The following DGCR8 variants were observed in gnomAD, a reference collection of about 807,000 sequenced individuals.
DGCR8 encodes DGCR8 microprocessor complex subunit, also known as microprocessor complex subunit DGCR8.
Under a neutral mutation model 78.5 loss-of-function variants are expected in DGCR8, and 14 were observed. That is an observed-to-expected ratio of 0.18 (90% CI 0.12 to 0.28). The LOEUF (loss-of-function observed/expected upper bound fraction) is 0.28. Among genes scored for constraint, DGCR8 ranks in the 10% least tolerant of loss-of-function variants. The pLI is 1.00. For synonymous variants in DGCR8, 399 were observed against 402.4 expected, an observed-to-expected ratio of 0.99 and a Z score of 0.10; for missense variants, 702 against 1,022.5, an observed-to-expected ratio of 0.69 and a Z score of 4.28.
Position 20,110,389 on chromosome 22 carries a change from C to CTGT in DGCR8, c.*281_*282insTGT. 2.4e-6 allele frequency: 1 copy of CTGT among 421,810 alleles called. No individual in the cohort carries two copies. The highest frequency in any genetic ancestry group is 4.2e-6 in the Non-Finnish European group (1 of 236,026). 26.1% of individuals were successfully genotyped at this position (421,810 alleles called of 1,614,324 possible). ...CTGGTGACTGTGGACAGTGGTGGAC[C>CTGT]CTGCTTCTGTGCACCTGCTGCAGGC... On this transcript the variant is annotated 3_prime_UTR_variant, in exon 14 of 14. Coordinates refer to ENST00000351989, the MANE Select transcript of DGCR8 (RefSeq NM_022720.7).
chr22:20,082,924 C>CGGTGG (rs2049434535), intron 1 of DGCR8, among the ~76,000 whole-genome samples: 1 of 152,204 alleles, frequency 6.6e-6, no homozygotes, highest in African/African-American at 2.4e-5. Context: ...CCTTCCTATC[C>CGGTGG]GGTGGCCCAT....
chr22:20,094,442 G>T (rs1368125950), intron 8 of DGCR8, among the ~76,000 whole-genome samples: 2 of 152,208 alleles, frequency 1.3e-5, no homozygotes, highest in African/African-American at 2.4e-5. Flanking sequence ...CTAACATACA[G>T]CTCCGAGCTC....
chr22:20,105,936 A>G (rs988205950), intron 9 of DGCR8, among the ~76,000 whole-genome samples: 7 of 151,992 alleles, frequency 4.6e-5, no homozygotes, highest in African/African-American at 7.3e-5. Flanking sequence ...TTAGGATACC[A>G]GACTCCATCC....
chr22:20,106,766 T>A, intron 11 of DGCR8, 68 bp downstream of exon 11: 1 of 1,116,904 alleles, frequency 9.0e-7, no homozygotes, highest in Non-Finnish European at 1.4e-6. Flanking sequence ...CCTGCGCCTC[T>A]GTGGCTTGGT....
intron 9 of DGCR8, among the ~76,000 whole-genome samples, chr22:20,095,703 A>G (rs1470382958): frequency 6.6e-6 from 1 of 152,158 alleles, no homozygotes; most frequent in African/African-American, 2.4e-5. Flanking sequence ...GGATGACTCA[A>G]GCACATCACA....
intron 9 of DGCR8, among the ~76,000 whole-genome samples, chr22:20,099,541 T>G (rs1568958788): frequency 6.6e-6 from 1 of 152,204 alleles, no homozygotes; most frequent in Non-Finnish European, 1.5e-5. Context: ...GGAGAAGGGC[T>G]GGGAATGGGG....
intron 6 of DGCR8, 70 bp downstream of exon 6, chr22:20,091,702 C>T: frequency 6.4e-7 from 1 of 1,572,634 alleles, no homozygotes; most frequent in Non-Finnish European, 8.7e-7. Context: ...GTGTTGAGGG[C>T]ATGTTTTATG....
At chr22:20,101,067 G>C (rs992234150) in intron 9 of DGCR8, 7 of 436,680 alleles carry the variant, frequency 1.6e-5, no homozygotes, top group Non-Finnish European at 1.8e-5. Context: ...TCTCCGGGGA[G>C]CCCACCCTGG....
rs1001770451 is a variant in DGCR8, at chr22:20,089,184, C to T, written c.881-485C>T. On this transcript the variant is annotated intron_variant, in intron 3 of 13. Transcript: ENST00000351989. The surrounding 1 kb of genome is among the most constrained non-coding windows in gnomAD (Gnocchi z 4.9). ...GGTTGGGAGTAGTGTATTAAACCAA[C>T]TTAGAAACGGAATCATTTGAAGCAG... is the stretch of plus-strand genomic sequence containing the variant. Among the ~76,000 whole-genome samples the T allele has an allele frequency of 3.3e-5, 5 of 152,242 alleles. No individual in the cohort carries two copies. The highest frequency in any genetic ancestry group is 7.3e-5 in the Non-Finnish European group (5 of 68,034).
At chr22:20,096,843 T>C (rs1269156790) in intron 9 of DGCR8, among the ~76,000 whole-genome samples, 1 of 152,212 alleles carries the variant, frequency 6.6e-6, no homozygotes. Context: ...ATAAGGAAAT[T>C]TCCTTTTGTT....
Position 20,090,042 on chromosome 22 carries a change from C to G in DGCR8, c.1090C>G (p.Arg364Gly), listed in dbSNP as rs141467426. The change falls in exon 5 of 14, where the codon CGG (arginine) becomes GGG (glycine). Residue 364 changes from arginine to glycine, a missense_variant. Transcript: ENST00000351989. ...HYKKMKDNEEREQSSDLTPSG... is the reference protein window; with the variant it reads ...HYKKMKDNEEGEQSSDLTPSG... ...TAAGAAAATGAAGGACAACGAGGAA[C>G]GGGAGCAAAGCAGTGACCTCACCCC... 6.2e-7 allele frequency: 1 copy of G among 1,614,186 alleles called. No individual in the cohort carries two copies. The highest frequency in any genetic ancestry group is 1.3e-5 in the African/African-American group (1 of 75,058).
rs1602500845 is a variant in DGCR8, at chr22:20,110,371, CTG to C, written c.*266_*267del. The C allele has an allele frequency of 6.0e-6, 3 of 499,154 alleles. No individual in the cohort carries two copies. The highest frequency in any genetic ancestry group is 3.7e-5 in the Admixed American group (1 of 27,140). 30.9% of individuals were successfully genotyped at this position (499,154 alleles called of 1,614,324 possible). A position where few individuals can be genotyped will look rare whatever the true frequency, so the allele number is the denominator to read the frequency against. ...CGACTGCACCAGTGGCAGCTGGTGACTGTGGACAGTGGTGGACCCTGCTTCTG... is the reference window on the plus strand; with the variant it reads ...CGACTGCACCAGTGGCAGCTGGTGACTGGACAGTGGTGGACCCTGCTTCTG... On this transcript the variant is annotated 3_prime_UTR_variant, in exon 14 of 14. Coordinates refer to ENST00000351989, the MANE Select transcript of DGCR8 (RefSeq NM_022720.7).
At chr22:20,107,059 G>C in intron 11 of DGCR8, 1 of 605,796 alleles carries the variant, frequency 1.7e-6, no homozygotes. Flanking sequence ...AGTGTCCTCA[G>C]CTCCTAGACT....
Position 20,101,080 on chromosome 22 carries a change from A to G in DGCR8, c.1789-5097A>G, listed in dbSNP as rs1256536128. 8 of 556,742 alleles carry G rather than the reference A, an allele frequency of 1.4e-5. No individual in the cohort carries two copies. The East Asian group carries it at 4.4e-4, about 31-fold the overall frequency. The allele number at this position is 556,742 out of a possible 1,614,324, so 34.5% of individuals were successfully genotyped here. A position where few individuals can be genotyped will look rare whatever the true frequency, so the allele number is the denominator to read the frequency against. Reference sequence around the variant, plus strand: ...TTTCTCCGGGGAGCCCACCCTGGCCACCTCCTCAGCATAAGCTCTGTGGTG... The same window carrying G: ...TTTCTCCGGGGAGCCCACCCTGGCCGCCTCCTCAGCATAAGCTCTGTGGTG... On this transcript the variant is annotated intron_variant, in intron 9 of 13. Coordinates refer to ENST00000351989, the MANE Select transcript of DGCR8 (RefSeq NM_022720.7).
intron 9 of DGCR8, among the ~76,000 whole-genome samples, chr22:20,103,386 A>G (rs996548861): frequency 2.0e-5 from 3 of 152,172 alleles, no homozygotes; most frequent in African/African-American, 7.2e-5. Context: ...ATAGTACCTT[A>G]GTTCCAATTG....
At chr22:20,109,040 G>A (rs1322405039) in intron 13 of DGCR8, 37 bp downstream of exon 13, 6 of 1,121,288 alleles carry the variant, frequency 5.4e-6, no homozygotes, top group East Asian at 2.4e-5. Flanking sequence ...GCCGGGCCAC[G>A]GCCATTCCTG....
At position 20,091,502 on chromosome 22, in the gene DGCR8, C is replaced by T. The variant is rs756597515; in HGVS notation, c.1374C>T (p.Phe458=). ...FDFEQVTVKK[F]RTWAERRQFN... ...TTGAGCAAGTTACTGTGAAAAAATTCAGGACTTGGGCTGAGCGGCGGCAAT... is the reference window on the plus strand; with the variant it reads ...TTGAGCAAGTTACTGTGAAAAAATTTAGGACTTGGGCTGAGCGGCGGCAAT... Residue 458 remains phenylalanine (F), a synonymous_variant, in exon 6 of 14, where the codon TTC becomes TTT. Coordinates refer to ENST00000351989, the MANE Select transcript of DGCR8 (RefSeq NM_022720.7). 5.6e-6 allele frequency: 9 copies of T among 1,614,080 alleles called. No homozygotes were observed. In the African/African-American group the frequency reaches 1.1e-4, roughly 19 times the overall value.
At chr22:20,094,421 G>A (rs958191897) in intron 8 of DGCR8, among the ~76,000 whole-genome samples, 1 of 152,210 alleles carries the variant, frequency 6.6e-6, no homozygotes, top group Non-Finnish European at 1.5e-5. Context: ...ACGTGCCACC[G>A]AAGTGGTTCC....
At chr22:20,109,151 T>G in intron 13 of DGCR8, 148 bp downstream of exon 13, 1 of 567,540 alleles carries the variant, frequency 1.8e-6, no homozygotes, top group Non-Finnish European at 3.2e-6. Flanking sequence ...GGCTTTTCTT[T>G]GAGCTTCGAC....
Sources: allele counts gnomAD v4.1 joint callset (sites outside exome capture counted in the v4.1 genomes callset), GRCh38; gene constraint gnomAD v4.1.1; non-coding constraint Gnocchi (gnomAD v3.1); transcripts MANE v1.5; gene names NCBI Gene and HGNC (gene_info 2026-07-23, HGNC 2026-07-21).